The following SGCD variants were observed in gnomAD, a reference collection of about 807,000 sequenced individuals.
SGCD encodes the protein sarcoglycan delta, also known as delta-sarcoglycan.
In SGCD, 18 loss-of-function variants were observed where a neutral mutation model predicts 36.6. The observed-to-expected ratio is 0.49, with a 90% CI of 0.34 to 0.73. The LOEUF is 0.73. SGCD is among the 30% of genes least tolerant of loss of function. The probability of loss-of-function intolerance (pLI) is 0.01; values close to 1 mark genes in which losing one functional copy is unlikely to be tolerated. For synonymous variants in SGCD, 133 were observed against 130.6 expected (o/e 1.02, Z -0.12); for missense variants, 387 against 346.7 (o/e 1.12, Z -0.92).
At chr5:156,593,594 C>G (rs140997416) in intron 5 of SGCD, among the ~76,000 whole-genome samples, 1 of 152,232 alleles carries the variant, frequency 6.6e-6, no homozygotes, top group African/African-American at 2.4e-5. Flanking sequence ...AGTATTTAAT[C>G]CAGGGTAGAG....
intron 1 of SGCD, among the ~76,000 whole-genome samples, chr5:155,883,493 T>C (rs938295913): frequency 3.3e-5 from 5 of 152,040 alleles, no homozygotes; most frequent in African/African-American, 1.2e-4. Flanking sequence ...TTCAGTAGTA[T>C]TATGTCTCAG....
chr5:156,089,561 C>G (rs917793392), intron 1 of SGCD, among the ~76,000 whole-genome samples: 3 of 152,170 alleles, frequency 2.0e-5, no homozygotes, highest in African/African-American at 7.2e-5. Flanking sequence ...ATGCCTCGAC[C>G]CATCCCCAAC....
At chr5:155,733,836 G>T in the SGCD span, among the ~76,000 whole-genome samples, 1 of 151,998 alleles carries the variant, frequency 6.6e-6, no homozygotes, top group Non-Finnish European at 1.5e-5. Flanking sequence ...ATTTCTTCAT[G>T]TACAAGTTGA....
intron 3 of SGCD, among the ~76,000 whole-genome samples, chr5:156,296,335 T>C (rs1489239378): frequency 6.6e-6 from 1 of 152,216 alleles, no homozygotes; most frequent in Non-Finnish European, 1.5e-5. Flanking sequence ...GACCAATTCT[T>C]GATTCTTGTA....
At chr5:155,939,021 G>A (rs867153053) in intron 1 of SGCD, among the ~76,000 whole-genome samples, 3 of 152,176 alleles carry the variant, frequency 2.0e-5, no homozygotes, top group Non-Finnish European at 4.4e-5. Context: ...GCATATAAGA[G>A]ACAATAGCAG....
rs796150551 is a variant in SGCD, at chr5:155,978,129, T to G, written c.-282+107705T>G. On this transcript the variant is annotated intron_variant, in intron 1 of 9. Transcript: ENST00000517913. ...AAAATAAAATAAAATAAAAATAAAC[T>G]GGTCAGAATGGATGCATCTCTGAAA... is the stretch of plus-strand genomic sequence containing the variant. Among the ~76,000 whole-genome samples, 13 of 152,160 alleles carry G rather than the reference T, an allele frequency of 8.5e-5. 1 individual carries two copies. The highest frequency in any genetic ancestry group is 3.1e-4 in the African/African-American group (13 of 41,520).
At chr5:156,531,792 GA>G (rs530872597) in intron 4 of SGCD, among the ~76,000 whole-genome samples, 19 of 150,050 alleles carry the variant, frequency 1.3e-4, no homozygotes, top group African/African-American at 4.2e-4. Context: ...TAAGTAATGG[GA>G]AAAAAAAAGA....
chr5:156,058,525 C>T lies in SGCD; in HGVS notation c.-281-59353C>T, dbSNP rs1432983796. On this transcript the variant is annotated intron_variant, in intron 1 of 9. Transcript: ENST00000517913. ...ACGGGCTTCCAGGAATGCTGCTGGC[C>T]CATCAGCTACACTTTGAGTAACTAA... Among the ~76,000 whole-genome samples the T allele has an allele frequency of 5.5e-5, 8 of 145,404 alleles. 2 individuals carry two copies. The highest frequency in any genetic ancestry group is 3.4e-4 in the Admixed American group (5 of 14,518).
intron 3 of SGCD, among the ~76,000 whole-genome samples, chr5:156,287,231 A>G (rs1156597990): frequency 6.6e-6 from 1 of 152,204 alleles, no homozygotes; most frequent in East Asian, 1.9e-4. Context: ...ATCAGAATAC[A>G]GAATCTCATA....
chr5:156,656,796 C>T lies in SGCD; in HGVS notation c.575+9260C>T, dbSNP rs557660703. The stretch of plus-strand genomic sequence containing the variant: ...ATTACTCTGTTACTGTTTATTTTTC[C>T]CCATAATGCTACCAGGTTTTAATGA... On this transcript the variant is annotated intron_variant, in intron 7 of 8. Transcript: ENST00000337851. Among the ~76,000 whole-genome samples the T allele has an allele frequency of 2.0e-5, 3 of 152,130 alleles. No individual in the cohort carries two copies. In the East Asian group the frequency reaches 5.8e-4, roughly 29 times the overall value.
At chr5:156,502,399 G>T (rs1398024830) in intron 3 of SGCD, among the ~76,000 whole-genome samples, 1 of 151,974 alleles carries the variant, frequency 6.6e-6, no homozygotes, top group African/African-American at 2.4e-5. Flanking sequence ...AGGCTGGAGA[G>T]CATTGATGTA....
At chr5:156,479,049 A>G (rs1171982346) in intron 3 of SGCD, among the ~76,000 whole-genome samples, 2 of 152,138 alleles carry the variant, frequency 1.3e-5, no homozygotes, top group Non-Finnish European at 2.9e-5. Flanking sequence ...AAAATTTAAC[A>G]TTAAGACACT....
intron 3 of SGCD, among the ~76,000 whole-genome samples, chr5:156,155,025 A>G (rs1581134100): frequency 6.6e-6 from 1 of 151,822 alleles, no homozygotes; most frequent in East Asian, 1.9e-4. Context: ...CATTTTAAGC[A>G]TGCAGGAAAG....
At chr5:156,644,354 T>C (rs1373110611) in intron 6 of SGCD, among the ~76,000 whole-genome samples, 1 of 152,170 alleles carries the variant, frequency 6.6e-6, no homozygotes, top group Non-Finnish European at 1.5e-5. Flanking sequence ...AGGTAATTAG[T>C]CATTTTTCAT....
chr5:156,158,906 C>A (rs1763024066), intron 3 of SGCD, among the ~76,000 whole-genome samples: 1 of 151,396 alleles, frequency 6.6e-6, no homozygotes. Context: ...TAAAAGCTGT[C>A]ATTTAACTTC....
chr5:155,810,224 T>A, the SGCD span, among the ~76,000 whole-genome samples: 1 of 152,356 alleles, frequency 6.6e-6, no homozygotes, highest in East Asian at 1.9e-4. Flanking sequence ...TAATTAAATA[T>A]GTGTTTCTCT....
intron 5 of SGCD, among the ~76,000 whole-genome samples, chr5:156,591,659 G>A (rs992479990): frequency 6.6e-6 from 1 of 152,148 alleles, no homozygotes; most frequent in African/African-American, 2.4e-5. Context: ...GATTAATTAA[G>A]GAGGCACTCC....
intron 1 of SGCD, among the ~76,000 whole-genome samples, chr5:156,049,641 G>T (rs1282141612): frequency 1.4e-5 from 2 of 146,462 alleles, no homozygotes; most frequent in African/African-American, 2.5e-5. Flanking sequence ...GTCTATATCT[G>T]TCATAAATAG....
Position 156,422,949 on chromosome 5 carries a change from T to C in SGCD, c.192+78272T>C, listed in dbSNP as rs547148443. Among the ~76,000 whole-genome samples the C allele has an allele frequency of 9.3e-5, 14 of 151,298 alleles. No homozygotes were observed. In the South Asian group the frequency reaches 2.1e-3, roughly 22 times the overall value. ...TCCTTTATTAAATTAAAAGAAATAG[T>C]GCACAGGGTGAGACCAAGAAATCGG... On this transcript the variant is annotated intron_variant, in intron 3 of 8. Transcript: ENST00000337851.
Sources: allele counts gnomAD v4.1 joint callset (sites outside exome capture counted in the v4.1 genomes callset), GRCh38; gene constraint gnomAD v4.1.1; transcripts MANE v1.5; gene names NCBI Gene and HGNC (gene_info 2026-07-23, HGNC 2026-07-21).